The following CADM2 variants were observed in gnomAD, a reference collection of about 807,000 sequenced individuals.
CADM2 encodes cell adhesion molecule 2.
A neutral mutation model predicts 49.8 loss-of-function variants in CADM2; 12 were observed. The ratio of observed to expected loss-of-function variants is 0.24; its 90% CI spans 0.15 to 0.39. The LOEUF is 0.39. CADM2 is among the 10% of genes least tolerant of loss of function. CADM2 has a pLI of 1.00. For missense variants in CADM2, 378 were observed against 492.3 expected (o/e 0.77, Z 2.20); for synonymous variants, 214 against 175.4 (o/e 1.22, Z -1.74).
At chr3:85,932,309 G>A (rs530692326) in intron 6 of CADM2, among the ~76,000 whole-genome samples, 1 of 152,254 alleles carries the variant, frequency 6.6e-6, no homozygotes, top group East Asian at 1.9e-4. Context: ...TGGAGACTGA[G>A]TTCATTTTGA....
chr3:85,294,080 C>A (rs1268410997), intron 1 of CADM2, among the ~76,000 whole-genome samples: 1 of 151,736 alleles, frequency 6.6e-6, no homozygotes, highest in African/African-American at 2.4e-5. Context: ...TGATAAGCAA[C>A]TTCAGCAAAG....
At chr3:86,041,535 T>C (rs538669799) in intron 8 of CADM2, among the ~76,000 whole-genome samples, 3 of 152,152 alleles carry the variant, frequency 2.0e-5, no homozygotes, top group Non-Finnish European at 4.4e-5. Context: ...GAGCTAACTA[T>C]CTTAAATATA....
intron 8 of CADM2, among the ~76,000 whole-genome samples, chr3:85,997,793 C>T (rs1031867866): frequency 2.0e-5 from 3 of 152,156 alleles, no homozygotes; most frequent in Admixed American, 1.3e-4. Flanking sequence ...TGCAAGCTGA[C>T]TTTGCAGCAG....
chr3:85,324,380 G>A (rs909114334), intron 1 of CADM2, among the ~76,000 whole-genome samples: 3 of 152,040 alleles, frequency 2.0e-5, no homozygotes, highest in African/African-American at 2.4e-5. Flanking sequence ...CTGTTTCCAC[G>A]TACTACCTTG....
chr3:85,998,142 T>A (rs1729659764), intron 8 of CADM2, among the ~76,000 whole-genome samples: 1 of 152,136 alleles, frequency 6.6e-6, no homozygotes, highest in South Asian at 2.1e-4. Context: ...ATTAAAATGC[T>A]GGGGTAGCAG....
chr3:85,095,756 C>G (rs1166898899), intron 1 of CADM2, among the ~76,000 whole-genome samples: 1 of 152,060 alleles, frequency 6.6e-6, no homozygotes, highest in African/African-American at 2.4e-5. Flanking sequence ...ATTATTCCAC[C>G]AGTGAACACA....
intron 8 of CADM2, among the ~76,000 whole-genome samples, chr3:85,980,361 G>A (rs531412173): frequency 1.1e-3 from 162 of 151,448 alleles, no homozygotes; most frequent in African/African-American, 3.2e-3. Flanking sequence ...TTGATTTGCC[G>A]TCTTTGATTT....
chr3:85,862,643 A>G (rs1414881307), intron 3 of CADM2, among the ~76,000 whole-genome samples: 2 of 152,090 alleles, frequency 1.3e-5, no homozygotes, highest in Admixed American at 1.3e-4. Context: ...AATGATACCA[A>G]ATTTTTTCTT....
At chr3:85,644,161 T>C (rs1432006451) in intron 1 of CADM2, among the ~76,000 whole-genome samples, 1 of 152,154 alleles carries the variant, frequency 6.6e-6, no homozygotes, top group Non-Finnish European at 1.5e-5. Flanking sequence ...AGCGTTGGTG[T>C]CTGGTGAGGG....
chr3:85,257,062 A>G (rs2042902577), intron 1 of CADM2, among the ~76,000 whole-genome samples: 1 of 152,094 alleles, frequency 6.6e-6, no homozygotes, highest in Non-Finnish European at 1.5e-5. Context: ...ACTTAATCAT[A>G]TTTTATGATA....
intron 1 of CADM2, among the ~76,000 whole-genome samples, chr3:85,131,517 A>C (rs1321884686): frequency 6.6e-6 from 1 of 152,204 alleles, no homozygotes; most frequent in Non-Finnish European, 1.5e-5. Context: ...GGATCATTGT[A>C]ATACCCCTAT....
At chr3:86,047,469 G>A (rs1006768504) in intron 8 of CADM2, among the ~76,000 whole-genome samples, 1 of 152,112 alleles carries the variant, frequency 6.6e-6, no homozygotes, top group African/African-American at 2.4e-5. Flanking sequence ...AGAGAAGTCA[G>A]GAAATGAGTT....
At chr3:84,965,712 C>T (rs1304340567) in intron 1 of CADM2, among the ~76,000 whole-genome samples, 2 of 152,094 alleles carry the variant, frequency 1.3e-5, no homozygotes, top group Non-Finnish European at 2.9e-5. Context: ...TTCTGTTATC[C>T]AGTTCTTCCT....
chr3:85,182,047 A>G (rs1290985745), intron 1 of CADM2, among the ~76,000 whole-genome samples: 3 of 151,476 alleles, frequency 2.0e-5, no homozygotes, highest in East Asian at 3.9e-4. Context: ...ACATTTATCA[A>G]TATTCCTAGG....
chr3:85,520,602 G>A (rs1420440708), intron 1 of CADM2, among the ~76,000 whole-genome samples: 1 of 151,980 alleles, frequency 6.6e-6, no homozygotes, highest in Non-Finnish European at 1.5e-5. Flanking sequence ...AGTCATAGCT[G>A]TAGGAAACTA....
intron 1 of CADM2, among the ~76,000 whole-genome samples, chr3:85,521,672 C>A (rs1416171072): frequency 6.6e-6 from 1 of 152,148 alleles, no homozygotes; most frequent in East Asian, 1.9e-4. Flanking sequence ...GATAACCAAT[C>A]TTCTGCAGAA....
At chr3:85,748,354 G>A (rs1423111742) in intron 2 of CADM2, among the ~76,000 whole-genome samples, 1 of 151,680 alleles carries the variant, frequency 6.6e-6, no homozygotes, top group Non-Finnish European at 1.5e-5. Context: ...AAAAAAATAA[G>A]CAGACAGCAT....
intron 1 of CADM2, among the ~76,000 whole-genome samples, chr3:85,651,180 C>A (rs996479321): frequency 6.6e-6 from 1 of 151,936 alleles, no homozygotes; most frequent in African/African-American, 2.4e-5. Flanking sequence ...TTCAAAAATT[C>A]AAATCAGAAT....
chr3:85,875,685 C>A (rs1410447866), intron 3 of CADM2, among the ~76,000 whole-genome samples: 1 of 152,068 alleles, frequency 6.6e-6, no homozygotes, highest in Non-Finnish European at 1.5e-5. Context: ...CTGTTAGTGA[C>A]CAGCTTTGGA....
Sources: gnomAD v4.1 joint callset for allele counts (sites outside exome capture counted in the v4.1 genomes callset) on GRCh38, gnomAD v4.1.1 for gene constraint, MANE v1.5 for transcripts, NCBI Gene and HGNC (gene_info 2026-07-23, HGNC 2026-07-21) for gene names.